The following NKAIN2 variants were observed in gnomAD, a reference collection of about 807,000 sequenced individuals.
NKAIN2 encodes the protein sodium/potassium transporting ATPase interacting 2.
In NKAIN2, 14 loss-of-function variants were observed where a neutral mutation model predicts 32.6. The observed-to-expected ratio is 0.43, with a 90% CI of 0.28 to 0.67. The LOEUF (loss-of-function observed/expected upper bound fraction) is 0.67, where lower values mean the gene tolerates loss of function less well. NKAIN2 is among the 30% of genes least tolerant of loss of function. The pLI is 0.17. For synonymous variants in NKAIN2, 80 were observed against 87.2 expected (o/e 0.92, Z 0.46); for missense variants, 198 against 258.3 (o/e 0.77, Z 1.60).
intron 1 of NKAIN2, among the ~76,000 whole-genome samples, chr6:124,216,755 A>G (rs1455841149): frequency 6.6e-6 from 1 of 152,224 alleles, no homozygotes; most frequent in African/African-American, 2.4e-5. Context: ...AATCTATATT[A>G]AATAAGGAGT....
At chr6:124,118,678 A>T (rs994433164) in intron 1 of NKAIN2, among the ~76,000 whole-genome samples, 3 of 152,144 alleles carry the variant, frequency 2.0e-5, no homozygotes, top group Non-Finnish European at 4.4e-5. Context: ...ACGTTTATAA[A>T]ACAGTGATCA....
intron 1 of NKAIN2, among the ~76,000 whole-genome samples, chr6:124,117,504 G>A (rs749460703): frequency 7.9e-5 from 12 of 152,104 alleles, no homozygotes; most frequent in South Asian, 2.1e-4. Context: ...GCATCATGCC[G>A]TCTTTCACTT....
At chr6:124,635,875 A>G (rs1174209440) in intron 3 of NKAIN2, among the ~76,000 whole-genome samples, 1 of 152,066 alleles carries the variant, frequency 6.6e-6, no homozygotes, top group Non-Finnish European at 1.5e-5. Flanking sequence ...TTGGCCTTGG[A>G]CAGATTATCC....
At chr6:124,691,829 T>G (rs891164298) in intron 4 of NKAIN2, among the ~76,000 whole-genome samples, 4 of 152,100 alleles carry the variant, frequency 2.6e-5, no homozygotes, top group African/African-American at 9.7e-5. Context: ...GCCAGGAAAT[T>G]AAAAAAGAAA....
intron 3 of NKAIN2, among the ~76,000 whole-genome samples, chr6:124,640,065 T>C (rs1480300864): frequency 6.6e-6 from 1 of 152,182 alleles, no homozygotes; most frequent in Non-Finnish European, 1.5e-5. Context: ...AAAATATCAC[T>C]CTGTATCCTA....
At chr6:124,279,362 C>A (rs962890690) in intron 1 of NKAIN2, among the ~76,000 whole-genome samples, 1 of 151,832 alleles carries the variant, frequency 6.6e-6, no homozygotes, top group African/African-American at 2.4e-5. Flanking sequence ...AAAAAATTAG[C>A]CAGGTGTGGT....
At chr6:124,687,265 T>C (rs1460708339) in intron 4 of NKAIN2, among the ~76,000 whole-genome samples, 1 of 140,264 alleles carries the variant, frequency 7.1e-6, no homozygotes, top group African/African-American at 2.7e-5. Context: ...ATATATATTC[T>C]CTCTATATAT....
chr6:124,207,873 C>T (rs1790974883), intron 1 of NKAIN2, among the ~76,000 whole-genome samples: 1 of 151,768 alleles, frequency 6.6e-6, no homozygotes, highest in Admixed American at 6.6e-5. Context: ...GAGATGCAGA[C>T]AATTAAATAT....
intron 3 of NKAIN2, among the ~76,000 whole-genome samples, chr6:124,631,195 C>T (rs911832877): frequency 6.6e-6 from 1 of 152,020 alleles, no homozygotes; most frequent in Non-Finnish European, 1.5e-5. Context: ...TCTCAAAGTG[C>T]CTTGATGCTG....
intron 1 of NKAIN2, among the ~76,000 whole-genome samples, chr6:124,144,798 A>G (rs1787315829): frequency 1.3e-5 from 2 of 152,182 alleles, no homozygotes; most frequent in African/African-American, 2.4e-5. Context: ...AATTAAAAAA[A>G]GTTTGCTCTG....
intron 4 of NKAIN2, among the ~76,000 whole-genome samples, chr6:124,751,936 T>G (rs561164888): frequency 1.3e-5 from 2 of 151,976 alleles, no homozygotes; most frequent in African/African-American, 4.8e-5. Flanking sequence ...GAGCTGTGGT[T>G]GCACTGCTGC....
At chr6:124,053,699 T>C (rs1338154507) in intron 1 of NKAIN2, among the ~76,000 whole-genome samples, 1 of 152,052 alleles carries the variant, frequency 6.6e-6, no homozygotes, top group Non-Finnish European at 1.5e-5. Context: ...CTGGAAACAG[T>C]CTCCTTTCTG....
chr6:123,834,516 G>T (rs1048078327), intron 1 of NKAIN2, among the ~76,000 whole-genome samples: 11 of 152,092 alleles, frequency 7.2e-5, no homozygotes, highest in African/African-American at 2.7e-4. Context: ...TGTCACCAGT[G>T]AAAAAGACTA....
chr6:124,123,443 G>A (rs1280534224), intron 1 of NKAIN2, among the ~76,000 whole-genome samples: 1 of 152,034 alleles, frequency 6.6e-6, no homozygotes, highest in East Asian at 1.9e-4. Flanking sequence ...CCCAGAGACA[G>A]TATTCTTTTT....
chr6:124,538,128 A>G (rs1364794553), intron 3 of NKAIN2, among the ~76,000 whole-genome samples: 1 of 151,822 alleles, frequency 6.6e-6, no homozygotes, highest in African/African-American at 2.4e-5. Flanking sequence ...CTATCCTTTT[A>G]TAGTCAATAG....
intron 3 of NKAIN2, among the ~76,000 whole-genome samples, chr6:124,542,662 T>C (rs1779953139): frequency 6.6e-6 from 1 of 152,148 alleles, no homozygotes; most frequent in Non-Finnish European, 1.5e-5. Flanking sequence ...ACACTGATGG[T>C]CTAAAATGCT....
intron 4 of NKAIN2, among the ~76,000 whole-genome samples, chr6:124,682,413 G>A (rs968390918): frequency 1.3e-5 from 2 of 152,128 alleles, no homozygotes. Flanking sequence ...ATATTCTGTA[G>A]GAGGGTCACA....
intron 3 of NKAIN2, among the ~76,000 whole-genome samples, chr6:124,438,663 C>T (rs77680433): frequency 0.023 from 3,543 of 152,218 alleles, 63 homozygotes; most frequent in Non-Finnish European, 0.034. Context: ...TCTCATGCAG[C>T]GTGCAGCCTT....
At chr6:124,376,731 G>T (rs1045805594) in intron 3 of NKAIN2, among the ~76,000 whole-genome samples, 1 of 152,060 alleles carries the variant, frequency 6.6e-6, no homozygotes, top group Admixed American at 6.5e-5. Flanking sequence ...ATGCATTTTA[G>T]AATTATGTTT....
Sources: gnomAD v4.1 joint callset for allele counts (sites outside exome capture counted in the v4.1 genomes callset) on GRCh38, gnomAD v4.1.1 for gene constraint, MANE v1.5 for transcripts, NCBI Gene and HGNC (gene_info 2026-07-23, HGNC 2026-07-21) for gene names.